Variants in CHODL observed in about 807,000 individuals in gnomAD.
CHODL encodes the protein chondrolectin, also known as transmembrane protein MT75.
CHODL carries 29 observed loss-of-function variants against 34.5 expected under a neutral mutation model. The ratio of observed to expected loss-of-function variants is 0.84; its 90% confidence interval spans 0.63 to 1.15. CHODL has a LOEUF of 1.15. CHODL is among the 50% of genes most tolerant of loss of function. The probability of loss-of-function intolerance (pLI) is 0.00; values close to 1 mark genes in which losing one functional copy is unlikely to be tolerated. For synonymous variants in CHODL, 125 were observed against 116.1 expected (o/e 1.08, Z -0.49); for missense variants, 332 against 332.5 (o/e 1.00, Z 0.01).
At chr21:18,068,151 A>C (rs1290061894) in intron 2 of CHODL, among the ~76,000 whole-genome samples, 4 of 151,878 alleles carry the variant, frequency 2.6e-5, no homozygotes, top group Admixed American at 2.0e-4. Flanking sequence ...ACTTCTCTTC[A>C]AACATAAACT....
intron 2 of CHODL, among the ~76,000 whole-genome samples, chr21:18,081,645 C>T (rs2064942807): frequency 6.7e-6 from 1 of 150,334 alleles, no homozygotes. Flanking sequence ...TGTACCATTG[C>T]ACTCCAGCCT....
chr21:18,158,662 A>C (rs1201776081), intron 2 of CHODL, among the ~76,000 whole-genome samples: 1 of 152,038 alleles, frequency 6.6e-6, no homozygotes, highest in Non-Finnish European at 1.5e-5. Context: ...ACATGGCGAG[A>C]TCTTGTCTCT....
chr21:18,207,080 T>G (rs1019951308), intron 2 of CHODL, among the ~76,000 whole-genome samples: 3 of 152,112 alleles, frequency 2.0e-5, no homozygotes, highest in African/African-American at 7.2e-5. Context: ...TTCCCCGCCC[T>G]GTGTCCAAGT....
chr21:17,933,415 A>T (rs2063292210), intron 1 of CHODL, among the ~76,000 whole-genome samples: 1 of 152,328 alleles, frequency 6.6e-6, no homozygotes, highest in East Asian at 1.9e-4. Context: ...GTCCCTGGGT[A>T]CTTGAGATTA....
chr21:18,194,749 C>T (rs1163108773), intron 2 of CHODL, among the ~76,000 whole-genome samples: 2 of 152,010 alleles, frequency 1.3e-5, no homozygotes, highest in Non-Finnish European at 2.9e-5. Flanking sequence ...ACATACTTAT[C>T]ATTTTTCGTT....
rs920971021 is a variant in CHODL, at chr21:18,256,698, C to A, written c.269C>A (p.Pro90His). Residue 90 changes from proline to histidine, a missense_variant, in exon 2 of 6, where the codon CCC becomes CAC. Transcript: ENST00000299295. ...AGCATGTTGCAAAACCTGACAAAACCCGGGACAGGGATTTCTGATGGTGAT... is the reference window on the plus strand; with the variant it reads ...AGCATGTTGCAAAACCTGACAAAACACGGGACAGGGATTTCTGATGGTGAT... ...IESMLQNLTK[P>H]GTGISDGDFW... 1 of 1,613,910 alleles carries A rather than the reference C, an allele frequency of 6.2e-7. No homozygotes were observed. The highest frequency in any genetic ancestry group is 1.7e-5 in the Admixed American group (1 of 59,976).
chr21:18,217,194 A>G (rs2073838722), intron 2 of CHODL, among the ~76,000 whole-genome samples: 1 of 151,924 alleles, frequency 6.6e-6, no homozygotes, highest in Non-Finnish European at 1.5e-5. Context: ...ATCACATGGT[A>G]GTTTTATTTT....
chr21:18,148,064 A>G (rs545052476), intron 2 of CHODL, among the ~76,000 whole-genome samples: 6 of 152,204 alleles, frequency 3.9e-5, no homozygotes, highest in African/African-American at 1.4e-4. Context: ...AGGCAGCTAC[A>G]TCAAGAGGAT....
chr21:17,947,654 A>AT, intron 1 of CHODL, among the ~76,000 whole-genome samples: 1 of 152,182 alleles, frequency 6.6e-6, no homozygotes, highest in South Asian at 2.1e-4. Flanking sequence ...AAAATAAAAA[A>AT]TATAAAAACA....
chr21:18,241,782 T>A (rs1438299458), upstream of CHODL, among the ~76,000 whole-genome samples: 1 of 152,224 alleles, frequency 6.6e-6, no homozygotes, highest in Non-Finnish European at 1.5e-5. Flanking sequence ...AGTCCTGATA[T>A]CACTTTTGAA....
chr21:18,193,869 G>A lies in CHODL; in HGVS notation c.-44-62640G>A, dbSNP rs549576932. Among the ~76,000 whole-genome samples the A allele has an allele frequency of 3.9e-5, 6 of 151,992 alleles. No homozygotes were observed. The South Asian group carries it at 6.2e-4, about 16-fold the overall frequency. On this transcript the variant is annotated intron_variant, in intron 2 of 6. Coordinates refer to the CHODL transcript ENST00000400127. ...AGGGAATTCAGTATTCAGACCTACC[G>A]ATAGTGATTTTCTTTCTCGCCCTAG...
chr21:18,150,532 G>A (rs1435797312), intron 2 of CHODL, among the ~76,000 whole-genome samples: 2 of 152,108 alleles, frequency 1.3e-5, no homozygotes, highest in Non-Finnish European at 2.9e-5. Context: ...CCTTTTCCGG[G>A]TTGCAGATTG....
intron 1 of CHODL, among the ~76,000 whole-genome samples, chr21:17,927,440 T>C (rs2063238131): frequency 6.6e-6 from 1 of 152,188 alleles, no homozygotes; most frequent in Non-Finnish European, 1.5e-5. Flanking sequence ...GGTCATATGG[T>C]CCTGACAGTT....
intron 2 of CHODL, among the ~76,000 whole-genome samples, chr21:18,120,778 C>A (rs945958265): frequency 1.4e-5 from 2 of 139,776 alleles, no homozygotes; most frequent in Non-Finnish European, 3.1e-5. Flanking sequence ...TAATGGACTT[C>A]TCTTGTAACC....
intron 1 of CHODL, among the ~76,000 whole-genome samples, chr21:17,951,571 A>C (rs1302900413): frequency 6.6e-6 from 1 of 152,246 alleles, no homozygotes; most frequent in Non-Finnish European, 1.5e-5. Flanking sequence ...TTTAGCAGGC[A>C]GACTTTAACT....
At chr21:17,931,264 A>G (rs1677819006) in intron 1 of CHODL, among the ~76,000 whole-genome samples, 1 of 152,168 alleles carries the variant, frequency 6.6e-6, no homozygotes, top group African/African-American at 2.4e-5. Context: ...TTTTTCCCAT[A>G]AGCACCACCT....
chr21:18,064,657 C>T (rs1027716632), intron 2 of CHODL, among the ~76,000 whole-genome samples: 2 of 152,150 alleles, frequency 1.3e-5, no homozygotes, highest in Non-Finnish European at 2.9e-5. Flanking sequence ...ACCATACCAT[C>T]CATGTGCTTG....
At position 18,159,326 on chromosome 21, in the gene CHODL, T is replaced by C. The variant is rs955493368; in HGVS notation, c.-44-97183T>C. 3.3e-5 allele frequency among the ~76,000 whole-genome samples: 5 copies of C among 152,200 alleles called. 1 individual carries two copies. The highest frequency in any genetic ancestry group is 1.2e-4 in the African/African-American group (5 of 41,452). ...GTTTGGCAGAGATTTAACTGGTATATAAAGTTGCAAATAGTGATGATTTAA... is the reference window on the plus strand; with the variant it reads ...GTTTGGCAGAGATTTAACTGGTATACAAAGTTGCAAATAGTGATGATTTAA... On this transcript the variant is annotated intron_variant, in intron 2 of 6. Transcript: ENST00000400127.
At chr21:18,195,874 T>G (rs1349105236) in intron 2 of CHODL, among the ~76,000 whole-genome samples, 1 of 152,188 alleles carries the variant, frequency 6.6e-6, no homozygotes, top group Non-Finnish European at 1.5e-5. Flanking sequence ...ATGGCCACAC[T>G]AATGAAAATA....
Sources: allele counts gnomAD v4.1 joint callset (sites outside exome capture counted in the v4.1 genomes callset), GRCh38; gene constraint gnomAD v4.1.1; transcripts MANE v1.5; gene names NCBI Gene and HGNC (gene_info 2026-07-23, HGNC 2026-07-21).